SH3KBP1: variants seen among roughly 807,000 people sequenced by gnomAD.
SH3KBP1 encodes the protein SH3 domain containing kinase binding protein 1.
Under a neutral mutation model 50.1 loss-of-function variants are expected in SH3KBP1, and 8 were observed. That is an observed-to-expected ratio of 0.16 (90% CI 0.09 to 0.29). SH3KBP1 has a LOEUF of 0.29. Among genes scored for constraint, SH3KBP1 ranks in the 10% least tolerant of loss-of-function variants. SH3KBP1 has a pLI of 1.00. For synonymous variants in SH3KBP1, 227 were observed against 218.6 expected, an observed-to-expected ratio of 1.04 and a Z score of -0.34; for missense variants, 377 against 535.2, an observed-to-expected ratio of 0.70 and a Z score of 2.92.
chrX:19,709,729 G>T (rs1603074096), intron 3 of SH3KBP1, among the ~76,000 whole-genome samples: 1 of 111,958 alleles, frequency 8.9e-6, no homozygotes, highest in East Asian at 2.8e-4. Context: ...TCACTGATTT[G>T]AATTTGTTTG....
intron 16 of SH3KBP1, among the ~76,000 whole-genome samples, chrX:19,538,571 A>G (rs902348172): frequency 9.4e-6 from 1 of 106,677 alleles, no homozygotes; most frequent in Non-Finnish European, 1.9e-5. Flanking sequence ...TATTTTATTT[A>G]TTTATTTATT....
intron 2 of SH3KBP1, among the ~76,000 whole-genome samples, chrX:19,809,060 G>A (rs747880439): frequency 1.6e-4 from 18 of 111,610 alleles, no homozygotes; most frequent in African/African-American, 5.9e-4. Flanking sequence ...AGTTGTAGGT[G>A]GCCATGGTAG....
chrX:19,855,129 C>A (rs1044587021), intron 1 of SH3KBP1, among the ~76,000 whole-genome samples: 2 of 110,526 alleles, frequency 1.8e-5, no homozygotes, highest in Non-Finnish European at 3.8e-5. Flanking sequence ...ATTACAGGTG[C>A]GCACCACCAT....
At chrX:19,638,417 A>AG (rs2148343262) in intron 7 of SH3KBP1, among the ~76,000 whole-genome samples, 1 of 109,369 alleles carries the variant, frequency 9.1e-6, no homozygotes, top group South Asian at 4.0e-4. Flanking sequence ...TCAAAAAAAA[A>AG]AAAAAAAAAA....
At chrX:19,742,915 T>G (rs1317428958) in intron 3 of SH3KBP1, among the ~76,000 whole-genome samples, 5 of 111,998 alleles carry the variant, frequency 4.5e-5, no homozygotes, top group Non-Finnish European at 9.4e-5. Flanking sequence ...GAAAAACGAC[T>G]TCTTATTCCT....
At chrX:19,690,476 T>C (rs1457564636) in intron 5 of SH3KBP1, among the ~76,000 whole-genome samples, 4 of 112,205 alleles carry the variant, frequency 3.6e-5, no homozygotes, top group African/African-American at 1.3e-4. Context: ...TGGTTATTAA[T>C]GGTTACAGAA....
chrX:19,747,594 A>T, intron 2 of SH3KBP1: 1 of 341,456 alleles, frequency 2.9e-6, no homozygotes, highest in South Asian at 2.6e-5. Context: ...GCAGAAAGAA[A>T]GCAACAAAAG....
At chrX:19,554,188 ATAT>A (rs1371033463) in intron 13 of SH3KBP1, among the ~76,000 whole-genome samples, 29 of 61,304 alleles carry the variant, frequency 4.7e-4, no homozygotes, top group African/African-American at 1.5e-3. Flanking sequence ...TTAAAATATA[ATAT>A]TATATATCAT....
At chrX:19,623,469 C>T (rs1157646573) in intron 8 of SH3KBP1, among the ~76,000 whole-genome samples, 2 of 111,550 alleles carry the variant, frequency 1.8e-5, no homozygotes, top group African/African-American at 3.3e-5. Flanking sequence ...GCGGATCACC[C>T]GAGGTCAGGA....
chrX:19,877,379 AT>A, intron 1 of SH3KBP1, among the ~76,000 whole-genome samples: 1 of 112,191 alleles, frequency 8.9e-6, no homozygotes, highest in African/African-American at 3.2e-5. Flanking sequence ...ATTGAGGTCC[AT>A]GAAGATGCTG....
chrX:19,829,720 CAAAAAAAAA>C lies in SH3KBP1; in HGVS notation c.162+6396_162+6404del, dbSNP rs758791831. ...GAGATCTCCCCACTGCACTCCGTCT[CAAAAAAAAA>C]AAAAAAAGAAGAAGAAGAAAGTAAA... On this transcript the variant is annotated intron_variant, in intron 2 of 17. Transcript: ENST00000397821. Among the ~76,000 whole-genome samples, 278 of 58,433 alleles carry C rather than the reference CAAAAAAAAA, an allele frequency of 4.8e-3. 2 individuals carry two copies. The highest frequency in any genetic ancestry group is 7.7e-3 in the Non-Finnish European group (229 of 29,843). The allele number at this position is 58,433 out of a possible 115,157, so 50.7% of individuals were successfully genotyped here. A position where few individuals can be genotyped will look rare whatever the true frequency, so the allele number is the denominator to read the frequency against.
chrX:19,540,817 C>A (rs781003369), intron 16 of SH3KBP1, among the ~76,000 whole-genome samples: 1 of 111,887 alleles, frequency 8.9e-6, no homozygotes, highest in Non-Finnish European at 1.9e-5. Context: ...AAATCCTACC[C>A]GGGAAATAAC....
intron 3 of SH3KBP1, among the ~76,000 whole-genome samples, chrX:19,715,384 G>C (rs1028015971): frequency 9.0e-6 from 1 of 111,141 alleles, no homozygotes; most frequent in Admixed American, 9.6e-5. Context: ...GTGACAAAAT[G>C]CTAATAATTG....
chrX:19,596,836 C>A (rs1339939136), intron 9 of SH3KBP1, among the ~76,000 whole-genome samples: 1 of 112,143 alleles, frequency 8.9e-6, no homozygotes, highest in African/African-American at 3.2e-5. Context: ...TCAGTCATAT[C>A]TTCAGGCTCC....
chrX:19,539,496 C>A (rs952564862), intron 16 of SH3KBP1, among the ~76,000 whole-genome samples: 6 of 112,273 alleles, frequency 5.3e-5, no homozygotes, highest in Admixed American at 4.7e-4. Context: ...AGACTCCAAG[C>A]AAATGCTCCA....
At chrX:19,558,475 T>C (rs2065559712) in intron 13 of SH3KBP1, among the ~76,000 whole-genome samples, 1 of 112,110 alleles carries the variant, frequency 8.9e-6, no homozygotes, top group South Asian at 3.7e-4. Flanking sequence ...ATATATCCAA[T>C]ATATATTTGA....
At chrX:19,685,126 C>T (rs1157499385) in intron 5 of SH3KBP1, among the ~76,000 whole-genome samples, 1 of 112,389 alleles carries the variant, frequency 8.9e-6, no homozygotes, top group Non-Finnish European at 1.9e-5. Context: ...CTGATCATAA[C>T]CATGCCCTTG....
intron 2 of SH3KBP1, among the ~76,000 whole-genome samples, chrX:19,825,265 T>G (rs2067641767): frequency 8.9e-6 from 1 of 112,316 alleles, no homozygotes; most frequent in Admixed American, 9.5e-5. Flanking sequence ...TCTTTTGAGT[T>G]GAAAGGGCCA....
intron 2 of SH3KBP1, among the ~76,000 whole-genome samples, chrX:19,758,386 A>C (rs1427340544): frequency 2.7e-5 from 3 of 110,155 alleles, no homozygotes; most frequent in Non-Finnish European, 5.7e-5. Context: ...TAAGGGCATG[A>C]CAATCAAGAA....
Sources: gnomAD v4.1 joint callset for allele counts (sites outside exome capture counted in the v4.1 genomes callset) on GRCh38, gnomAD v4.1.1 for gene constraint, MANE v1.5 for transcripts, NCBI Gene and HGNC (gene_info 2026-07-23, HGNC 2026-07-21) for gene names.